Variants in WDR45B observed in about 807,000 individuals in gnomAD.
WDR45B encodes WD repeat domain phosphoinositide-interacting protein 3.
WDR45B carries 20 observed loss-of-function variants against 44.6 expected under a neutral mutation model. The ratio of observed to expected loss-of-function variants is 0.45; its 90% CI spans 0.32 to 0.65. The LOEUF (loss-of-function observed/expected upper bound fraction) is 0.65. Among genes scored for constraint, WDR45B ranks in the 30% least tolerant of loss-of-function variants. The probability of loss-of-function intolerance (pLI) is 0.05; values close to 1 mark genes in which losing one functional copy is unlikely to be tolerated. For synonymous variants in WDR45B, 169 were observed against 164.9 expected (o/e 1.02, Z -0.19); for missense variants, 323 against 430.2 (o/e 0.75, Z 2.20).
At chr17:82,639,917 G>A (rs1598277821) in intron 2 of WDR45B, among the ~76,000 whole-genome samples, 1 of 149,728 alleles carries the variant, frequency 6.7e-6, no homozygotes, top group East Asian at 2.0e-4. Flanking sequence ...TGTCGGGTCA[G>A]GTGGGCTGCT....
At position 82,642,813 on chromosome 17, in the gene WDR45B, T is replaced by G. The variant is rs922542250; in HGVS notation, c.142+1136A>C. Among the ~76,000 whole-genome samples, 4 of 150,264 alleles carry G rather than the reference T, an allele frequency of 2.7e-5. No individual in the cohort carries two copies. The Admixed American group carries it at 2.7e-4, about 10-fold the overall frequency. On this transcript the variant is annotated intron_variant, in intron 2 of 9. Coordinates refer to ENST00000392325, the MANE Select transcript of WDR45B (RefSeq NM_019613.4). ...GTGGAGAGAAAACATGGCTGGGGGG[T>G]TTTTCCCACACAGCTGCTAATGATT...
At chr17:82,640,497 C>G (rs543516057) in intron 2 of WDR45B, among the ~76,000 whole-genome samples, 1 of 151,812 alleles carries the variant, frequency 6.6e-6, no homozygotes, top group Non-Finnish European at 1.5e-5. Flanking sequence ...ATTAAAGGCA[C>G]GCACCACCAG....
intron 2 of WDR45B, among the ~76,000 whole-genome samples, chr17:82,631,912 G>A (rs1338647805): frequency 6.6e-6 from 1 of 151,672 alleles, no homozygotes; most frequent in Non-Finnish European, 1.5e-5. Flanking sequence ...GTGAAACGCT[G>A]TCTTTACTAC....
chr17:82,629,504 T>C lies in WDR45B; in HGVS notation c.244+1417A>G, dbSNP rs1041297724. The C allele has an allele frequency of 5.7e-5, 56 of 985,326 alleles. 1 individual carries two copies. The highest frequency in any genetic ancestry group is 5.2e-4 in the Middle Eastern group (1 of 1,936). The allele number at this position is 985,326 out of a possible 1,614,324, so 61.0% of individuals were successfully genotyped here. ...GGCTATGCTAGCAGCCACTCTCAACTCTGCTTTAAAGCTGGCACAGACAAA... is the reference window on the plus strand; with the variant it reads ...GGCTATGCTAGCAGCCACTCTCAACCCTGCTTTAAAGCTGGCACAGACAAA... On this transcript the variant is annotated intron_variant, in intron 3 of 9. Transcript: ENST00000392325.
intron 4 of WDR45B, 139 bp from the exon 5 acceptor site, chr17:82,625,622 T>C (rs886116952): frequency 7.8e-6 from 7 of 895,674 alleles, no homozygotes; most frequent in Admixed American, 6.2e-5. Flanking sequence ...GAAAAAGCTC[T>C]GGAGGCAGGT....
rs1331984790 is a variant in WDR45B at position 82,621,491 on chromosome 17, A to G, written c.618+118T>C. On this transcript the variant is annotated intron_variant, in intron 6 of 9. Transcript: ENST00000392325. ...GACCAGCCAGGTCCACAGGCCCCTG[A>G]GGGGCTCCAGGTTGGGGCAGGCCCA... is the stretch of plus-strand genomic sequence containing the variant. The G allele has an allele frequency of 7.4e-6, 10 of 1,353,642 alleles. No individual in the cohort carries two copies. The Admixed American group carries it at 1.7e-4, about 23-fold the overall frequency. 83.9% of individuals were successfully genotyped at this position (1,353,642 alleles called of 1,614,324 possible).
At position 82,635,578 on chromosome 17, in the gene WDR45B, A is replaced by T. The variant is rs1290952640; in HGVS notation, c.143-4556T>A. ...GTAGCTGGGATTACAGGCGCCCATC[A>T]CACCCAGCTAATTTTTGTATTTTTA... On this transcript the variant is annotated intron_variant, in intron 2 of 9. Coordinates refer to ENST00000392325, the MANE Select transcript of WDR45B (RefSeq NM_019613.4). Among the ~76,000 whole-genome samples, 3 of 151,576 alleles carry T rather than the reference A, an allele frequency of 2.0e-5. 1 individual carries two copies. The highest frequency in any genetic ancestry group is 4.4e-5 in the Non-Finnish European group (3 of 67,966).
Position 82,637,139 on chromosome 17 carries a change from CATTT to C in WDR45B, c.143-6121_143-6118del, listed in dbSNP as rs1382544328. Reference sequence around the variant, plus strand: ...GCTGGTTTTACTTCACAGCACTGAGCATTTATTTATTCCTGGAACATTTTATACC... The same window carrying C: ...GCTGGTTTTACTTCACAGCACTGAGCATTTATTCCTGGAACATTTTATACC... On this transcript the variant is annotated intron_variant, in intron 2 of 9. Coordinates refer to ENST00000392325, the MANE Select transcript of WDR45B (RefSeq NM_019613.4). Among the ~76,000 whole-genome samples the C allele has an allele frequency of 1.5e-4, 23 of 152,094 alleles. 1 individual carries two copies. The East Asian group carries it at 4.4e-3, about 29-fold the overall frequency.
chr17:82,615,623 G>A lies in WDR45B; in HGVS notation c.*296C>T, dbSNP rs1170003072. The A allele has an allele frequency of 6.5e-6, 3 of 462,270 alleles. No individual in the cohort carries two copies. Among genetic ancestry groups the A allele is most frequent in the Non-Finnish European group, 1.2e-5 (3 of 249,486 alleles). 28.6% of individuals were successfully genotyped at this position (462,270 alleles called of 1,614,324 possible). ...GTCCGTATGGAGCCCCCGTCAGTGT[G>A]AGGATGCGGCGGAGCCACTGAAGCT... On this transcript the variant is annotated 3_prime_UTR_variant, in exon 10 of 10. Coordinates refer to ENST00000392325, the MANE Select transcript of WDR45B (RefSeq NM_019613.4).
intron 6 of WDR45B, among the ~76,000 whole-genome samples, chr17:82,619,333 G>A (rs569753187): frequency 2.0e-5 from 3 of 152,054 alleles, no homozygotes; most frequent in African/African-American, 4.8e-5. Flanking sequence ...CTGGTCCCAC[G>A]GCACTGGGCA....
chr17:82,616,253 G>A (rs1039970566), intron 9 of WDR45B, among the ~76,000 whole-genome samples: 4 of 152,194 alleles, frequency 2.6e-5, no homozygotes, highest in African/African-American at 9.7e-5. Context: ...ACAGGGTTAA[G>A]AAACATTCTT....
rs780743590 is a variant in WDR45B, at chr17:82,643,966, T to C, written c.125A>G (p.Lys42Arg). The change falls in exon 2 of 10, where the codon AAA (lysine) becomes AGA (arginine). Residue 42 changes from lysine to arginine, a missense_variant. Physicochemically the swap from Lys to Arg is conservative, Grantham distance 26. Transcript: ENST00000392325. ...ATTCTTACCTTGTTTCTCTTTTTCT[T>C]TTAGTGGATCAGTGTTATAGACTCG... ...GFRVYNTDPL[K>R]EKEKQEFLEG... The C allele has an allele frequency of 6.2e-7, 1 of 1,614,086 alleles. No homozygotes were observed.
chr17:82,637,268 C>T (rs758868525), intron 2 of WDR45B, among the ~76,000 whole-genome samples: 6 of 151,982 alleles, frequency 3.9e-5, no homozygotes, highest in African/African-American at 4.8e-5. Flanking sequence ...ACTAAAATTG[C>T]AGCAATAGGT....
chr17:82,636,035 C>T (rs1032882523), intron 2 of WDR45B, among the ~76,000 whole-genome samples: 2 of 151,788 alleles, frequency 1.3e-5, no homozygotes, highest in African/African-American at 2.4e-5. Flanking sequence ...TGCGGTGAGC[C>T]GAGATCGCGT....
intron 8 of WDR45B, 44 bp downstream of exon 8, chr17:82,617,252 C>G: frequency 1.3e-6 from 2 of 1,577,434 alleles, no homozygotes; most frequent in African/African-American, 2.7e-5. Context: ...CTGGGGACTC[C>G]TCTCATCCCC....
intron 6 of WDR45B, among the ~76,000 whole-genome samples, chr17:82,620,085 T>C (rs2045593262): frequency 6.6e-6 from 1 of 152,256 alleles, no homozygotes; most frequent in Non-Finnish European, 1.5e-5. Flanking sequence ...ACCGCATTTC[T>C]AATTCATACA....
At chr17:82,618,747 C>CA (rs371984618) in intron 7 of WDR45B, among the ~76,000 whole-genome samples, 8 of 151,862 alleles carry the variant, frequency 5.3e-5, no homozygotes, top group African/African-American at 9.7e-5. Context: ...ATAAAAACCC[C>CA]AAAAAAACAA....
At chr17:82,636,456 TAG>T (rs1316185889) in intron 2 of WDR45B, 1 of 151,746 alleles carries the variant, frequency 6.6e-6, no homozygotes, top group Non-Finnish European at 1.5e-5. Flanking sequence ...CTTCAGGAAT[TAG>T]AGAGGACTTC....
chr17:82,638,882 G>T (rs538138985), intron 2 of WDR45B, among the ~76,000 whole-genome samples: 1 of 152,068 alleles, frequency 6.6e-6, no homozygotes, highest in South Asian at 2.1e-4. Context: ...GAGTGCAGTG[G>T]CACGATCTCG....
Sources: gnomAD v4.1 joint callset for allele counts (sites outside exome capture counted in the v4.1 genomes callset) on GRCh38, gnomAD v4.1.1 for gene constraint, MANE v1.5 for transcripts, NCBI Gene and HGNC (gene_info 2026-07-23, HGNC 2026-07-21) for gene names.